Variants in ATP8A2 observed in about 807,000 individuals in gnomAD.
The protein encoded by ATP8A2 is phospholipid-transporting ATPase IB.
In ATP8A2, 100 loss-of-function variants were observed where a neutral mutation model predicts 165.6. The ratio of observed to expected loss-of-function variants is 0.60; its 90% confidence interval spans 0.51 to 0.71. ATP8A2 has a LOEUF of 0.71. Ranked by LOEUF, ATP8A2 falls within the 30% of genes least tolerant of loss-of-function variation. The pLI is 0.00. For missense variants in ATP8A2, 1,227 were observed against 1,479.5 expected, an observed-to-expected ratio of 0.83 and a Z score of 2.80; for synonymous variants, 543 against 548.8, an observed-to-expected ratio of 0.99 and a Z score of 0.15.
At chr13:26,007,154 A>G (rs1480862023) in intron 35 of ATP8A2, among the ~76,000 whole-genome samples, 2 of 152,108 alleles carry the variant, frequency 1.3e-5, no homozygotes, top group Non-Finnish European at 2.9e-5. Flanking sequence ...CAAACCATAT[A>G]TAGATGATAT....
intron 2 of ATP8A2, among the ~76,000 whole-genome samples, chr13:25,494,824 C>CT (rs1414380980): frequency 6.6e-6 from 1 of 152,070 alleles, no homozygotes; most frequent in Admixed American, 6.6e-5. Flanking sequence ...GTAATGATTT[C>CT]TTTTTTCACA....
intron 18 of ATP8A2, 194 bp downstream of exon 18, chr13:25,571,886 T>C: frequency 1.6e-6 from 1 of 617,736 alleles, no homozygotes; most frequent in East Asian, 2.7e-5. Context: ...GTTTTCCCCT[T>C]CAAGATGCTT....
At chr13:25,532,408 T>G (rs1378190365) in intron 5 of ATP8A2, 91 bp downstream of exon 5, 1 of 802,024 alleles carries the variant, frequency 1.2e-6, no homozygotes, top group African/African-American at 1.8e-5. Context: ...TGAATGGTAT[T>G]GAGATAAATT....
At chr13:25,569,844 G>T (rs539304349) in intron 16 of ATP8A2, among the ~76,000 whole-genome samples, 1 of 152,146 alleles carries the variant, frequency 6.6e-6, no homozygotes, top group Non-Finnish European at 1.5e-5. Flanking sequence ...AATATAAAAG[G>T]CAATAGATAA....
intron 24 of ATP8A2, among the ~76,000 whole-genome samples, chr13:25,689,328 G>A (rs2042673769): frequency 6.6e-6 from 1 of 152,164 alleles, no homozygotes; most frequent in African/African-American, 2.4e-5. Context: ...GTCGCTGTAA[G>A]CCAAATAAAG....
intron 23 of ATP8A2, among the ~76,000 whole-genome samples, chr13:25,586,032 A>G (rs2039911751): frequency 6.6e-6 from 1 of 152,210 alleles, no homozygotes; most frequent in African/African-American, 2.4e-5. Context: ...AGCAAATGTT[A>G]TCTATTATGT....
intron 25 of ATP8A2, among the ~76,000 whole-genome samples, chr13:25,736,692 G>C (rs2043777377): frequency 2.0e-5 from 3 of 152,162 alleles, no homozygotes. Context: ...ATGTGGCTCT[G>C]TTCCAATAAA....
At chr13:25,474,297 C>T (rs186995949) in intron 2 of ATP8A2, among the ~76,000 whole-genome samples, 29 of 152,236 alleles carry the variant, frequency 1.9e-4, no homozygotes, top group African/African-American at 6.0e-4. Context: ...CGCAGTGGCT[C>T]GCGCCTATAA....
At chr13:25,478,857 T>TG (rs2036073122) in intron 2 of ATP8A2, among the ~76,000 whole-genome samples, 1 of 150,626 alleles carries the variant, frequency 6.6e-6, no homozygotes, top group Non-Finnish European at 1.5e-5. Flanking sequence ...TTGTAACACT[T>TG]TTTTTTTTCT....
chr13:25,711,004 G>A (rs1037129814), intron 25 of ATP8A2, among the ~76,000 whole-genome samples: 3 of 152,076 alleles, frequency 2.0e-5, no homozygotes, highest in African/African-American at 7.2e-5. Context: ...AGGTCCTCTA[G>A]GTATTTTTTT....
At chr13:25,903,568 A>C (rs1232034126) in intron 33 of ATP8A2, among the ~76,000 whole-genome samples, 1 of 152,174 alleles carries the variant, frequency 6.6e-6, no homozygotes, top group East Asian at 1.9e-4. Context: ...CCTTGCAATG[A>C]TCCAGACCAC....
At chr13:25,572,145 CTCTT>C (rs1289917292) in intron 18 of ATP8A2, among the ~76,000 whole-genome samples, 2 of 125,430 alleles carry the variant, frequency 1.6e-5, no homozygotes, top group Admixed American at 7.9e-5. Context: ...CTCTCTCTCT[CTCTT>C]TTTGAGACAG....
At chr13:25,979,269 G>A (rs1202354626) in intron 35 of ATP8A2, among the ~76,000 whole-genome samples, 1 of 152,122 alleles carries the variant, frequency 6.6e-6, no homozygotes, top group African/African-American at 2.4e-5. Context: ...TTTAGCAATA[G>A]ATTTATTGGA....
intron 27 of ATP8A2, among the ~76,000 whole-genome samples, chr13:25,811,693 A>C (rs1344042875): frequency 1.3e-5 from 2 of 152,154 alleles, no homozygotes; most frequent in Non-Finnish European, 2.9e-5. Flanking sequence ...TTTACAAAAC[A>C]AAACAAAACA....
At position 25,771,674 on chromosome 13, in the gene ATP8A2, C is replaced by T. The variant is rs78230404; in HGVS notation, c.2568+2445C>T. Among the ~76,000 whole-genome samples the T allele has an allele frequency of 8.7e-4, 132 of 152,276 alleles. 1 individual carries two copies. The highest frequency in any genetic ancestry group is 2.8e-3 in the African/African-American group (117 of 41,544). ...CCCTCCAGCATCATAGTCACTTCTG[C>T]CAAAGGAACTGATGCAGCCCACATG... On this transcript the variant is annotated intron_variant, in intron 26 of 36. Transcript: ENST00000381655.
At chr13:25,898,035 CGTCAAA>C (rs1325269969) in intron 33 of ATP8A2, among the ~76,000 whole-genome samples, 2 of 152,216 alleles carry the variant, frequency 1.3e-5, no homozygotes, top group African/African-American at 4.8e-5. Context: ...TCTCTCAACT[CGTCAAA>C]GTCATTCTCT....
chr13:25,607,490 C>T (rs2040548196), intron 24 of ATP8A2, among the ~76,000 whole-genome samples: 2 of 151,922 alleles, frequency 1.3e-5, no homozygotes, highest in South Asian at 2.1e-4. Context: ...TCTGATAAAC[C>T]GATTGTTAAG....
chr13:25,667,353 T>C (rs1459817323), intron 24 of ATP8A2, among the ~76,000 whole-genome samples: 2 of 152,050 alleles, frequency 1.3e-5, no homozygotes, highest in Non-Finnish European at 2.9e-5. Context: ...GTTACGGGAG[T>C]GGATCCTTCA....
chr13:25,930,216 T>C (rs1032242911), intron 33 of ATP8A2, among the ~76,000 whole-genome samples: 2 of 152,190 alleles, frequency 1.3e-5, no homozygotes, highest in South Asian at 4.1e-4. Flanking sequence ...AATGATCTTT[T>C]AACAATGTGA....
Sources: gnomAD v4.1 joint callset for allele counts (sites outside exome capture counted in the v4.1 genomes callset) on GRCh38, gnomAD v4.1.1 for gene constraint, MANE v1.5 for transcripts, NCBI Gene and HGNC (gene_info 2026-07-23, HGNC 2026-07-21) for gene names.